The following GSK3B variants were observed in gnomAD, a reference collection of about 807,000 sequenced individuals.
GSK3B encodes the protein glycogen synthase kinase 3 beta, also known as glycogen synthase kinase-3 beta.
Under a neutral mutation model 56.4 loss-of-function variants are expected in GSK3B, and 15 were observed. That is an observed-to-expected ratio of 0.27 (90% confidence interval 0.18 to 0.41). GSK3B has a LOEUF of 0.41. Ranked by LOEUF, GSK3B falls within the 10% of genes least tolerant of loss-of-function variation. The pLI is 1.00. For missense variants in GSK3B, 300 were observed against 513.4 expected (o/e 0.58, Z 4.02); for synonymous variants, 181 against 188.9 (o/e 0.96, Z 0.34).
At chr3:119,842,438 T>A (rs1320891549) in intron 10 of GSK3B, among the ~76,000 whole-genome samples, 2 of 152,180 alleles carry the variant, frequency 1.3e-5, no homozygotes. Context: ...AGTATAAACT[T>A]ATAATTTATA....
At chr3:120,042,935 A>T (rs1378800122) in intron 1 of GSK3B, among the ~76,000 whole-genome samples, 1 of 152,246 alleles carries the variant, frequency 6.6e-6, no homozygotes, top group Non-Finnish European at 1.5e-5. Context: ...TCCCTTTATG[A>T]GATGGCTCTA....
chr3:119,853,577 T>A (rs2055971641), intron 9 of GSK3B, among the ~76,000 whole-genome samples: 1 of 152,220 alleles, frequency 6.6e-6, no homozygotes, highest in African/African-American at 2.4e-5. Flanking sequence ...TTCATTTGTT[T>A]GTGTCCTCTT....
chr3:119,886,621 C>G (rs939407205), intron 7 of GSK3B, among the ~76,000 whole-genome samples: 3 of 152,026 alleles, frequency 2.0e-5, no homozygotes, highest in Non-Finnish European at 4.4e-5. Flanking sequence ...TGGAATCAAC[C>G]TAGATGCCCA....
intron 1 of GSK3B, among the ~76,000 whole-genome samples, chr3:120,052,295 T>C (rs1283086715): frequency 6.6e-6 from 1 of 152,250 alleles, no homozygotes; most frequent in Non-Finnish European, 1.5e-5. Context: ...ATTCTCTGTC[T>C]TTTAAGAGCA....
intron 1 of GSK3B, among the ~76,000 whole-genome samples, chr3:120,075,797 C>T (rs1186115926): frequency 6.6e-6 from 1 of 152,088 alleles, no homozygotes; most frequent in Admixed American, 6.5e-5. Flanking sequence ...AATTATCATA[C>T]TACCCAAAGC....
At chr3:119,857,668 T>C (rs1423405772) in intron 9 of GSK3B, among the ~76,000 whole-genome samples, 4 of 152,328 alleles carry the variant, frequency 2.6e-5, no homozygotes, top group Admixed American at 1.3e-4. Flanking sequence ...ATCTTGTTAA[T>C]GTTGATATTT....
chr3:119,929,643 C>A (rs2056923263), intron 3 of GSK3B, among the ~76,000 whole-genome samples: 2 of 152,274 alleles, frequency 1.3e-5, no homozygotes, highest in South Asian at 4.1e-4. Flanking sequence ...TGGCTCACGC[C>A]TGTAATCCCA....
At chr3:120,040,127 G>A (rs769213734) in intron 1 of GSK3B, among the ~76,000 whole-genome samples, 11 of 152,350 alleles carry the variant, frequency 7.2e-5, no homozygotes, top group South Asian at 4.1e-4. Context: ...TCAGAAGGTC[G>A]CAGGGGCGAC....
At chr3:119,915,996 G>T (rs926643615) in intron 5 of GSK3B, 48 bp downstream of exon 5, 1 of 1,321,604 alleles carries the variant, frequency 7.6e-7, no homozygotes. Context: ...AAGATAGTAG[G>T]GGGAGGAGGG....
chr3:119,937,797 G>GA (rs909645796), intron 3 of GSK3B, among the ~76,000 whole-genome samples: 32 of 149,662 alleles, frequency 2.1e-4, no homozygotes, highest in African/African-American at 6.1e-4. Context: ...ACAGAGAACA[G>GA]AAAAAAAACA....
rs114776733 is a variant in GSK3B, at chr3:119,964,378, T to C, written c.283-17027A>G. Among the ~76,000 whole-genome samples, 689 of 152,308 alleles carry C rather than the reference T, an allele frequency of 4.5e-3. 1 individual carries two copies. The highest frequency in any genetic ancestry group is 0.015 in the African/African-American group (619 of 41,562). On this transcript the variant is annotated intron_variant, in intron 2 of 10. Coordinates refer to ENST00000264235, the MANE Select transcript of GSK3B (RefSeq NM_001146156.2). Reference sequence around the variant, plus strand: ...GCAAAGATGGGAAAACCCAGATGAATTGATAAGAAAAATGTGGTATATACA... The same window carrying C: ...GCAAAGATGGGAAAACCCAGATGAACTGATAAGAAAAATGTGGTATATACA...
intron 9 of GSK3B, among the ~76,000 whole-genome samples, chr3:119,845,661 G>A (rs1395868193): frequency 1.3e-5 from 2 of 152,048 alleles, no homozygotes; most frequent in Non-Finnish European, 2.9e-5. Context: ...AAATAAGAGA[G>A]GACACAAACA....
intron 4 of GSK3B, among the ~76,000 whole-genome samples, chr3:119,919,669 C>T (rs983332222): frequency 1.3e-5 from 2 of 151,920 alleles, no homozygotes; most frequent in African/African-American, 4.8e-5. Context: ...TGCCAGATAT[C>T]TAGCTCAACT....
At chr3:120,076,572 T>C (rs2058368456) in intron 1 of GSK3B, among the ~76,000 whole-genome samples, 1 of 151,782 alleles carries the variant, frequency 6.6e-6, no homozygotes, top group African/African-American at 2.4e-5. Flanking sequence ...TCCCAGCACT[T>C]TGGGAGGCCG....
At chr3:119,969,314 GAT>G (rs2057345570) in intron 2 of GSK3B, among the ~76,000 whole-genome samples, 1 of 151,366 alleles carries the variant, frequency 6.6e-6, no homozygotes, top group Non-Finnish European at 1.5e-5. Flanking sequence ...AAATCTATAT[GAT>G]GAAAACTATA....
chr3:120,081,989 T>C (rs1410249768), intron 1 of GSK3B, among the ~76,000 whole-genome samples: 1 of 152,092 alleles, frequency 6.6e-6, no homozygotes, highest in Non-Finnish European at 1.5e-5. Flanking sequence ...TGACAAAGAA[T>C]ATTTGCATCG....
chr3:120,009,803 C>T (rs949689652), intron 1 of GSK3B, among the ~76,000 whole-genome samples: 1 of 151,814 alleles, frequency 6.6e-6, no homozygotes, highest in African/African-American at 2.4e-5. Flanking sequence ...CAAAACTGCA[C>T]GTTCTGTACA....
chr3:119,909,726 T>G (rs2056717194), intron 6 of GSK3B, among the ~76,000 whole-genome samples: 1 of 152,222 alleles, frequency 6.6e-6, no homozygotes, highest in Non-Finnish European at 1.5e-5. Context: ...AGGTCAATGA[T>G]GATTAAAGCT....
At chr3:119,840,209 T>C (rs1020648920) in intron 10 of GSK3B, among the ~76,000 whole-genome samples, 5 of 144,836 alleles carry the variant, frequency 3.5e-5, no homozygotes, top group African/African-American at 1.0e-4. Context: ...AAAAAAAACA[T>C]GTCTGATGCC....
Sources: allele counts gnomAD v4.1 joint callset (sites outside exome capture counted in the v4.1 genomes callset), GRCh38; gene constraint gnomAD v4.1.1; transcripts MANE v1.5; gene names NCBI Gene and HGNC (gene_info 2026-07-23, HGNC 2026-07-21).